Variants in KIF24 observed in about 807,000 individuals in gnomAD.
KIF24 encodes kinesin family member 24.
In KIF24, 81 loss-of-function variants were observed where a neutral mutation model predicts 118.9. That is an observed-to-expected ratio of 0.68 (90% confidence interval 0.57 to 0.82). The LOEUF is 0.82. Among genes scored for constraint, KIF24 ranks in the 40% least tolerant of loss-of-function variants. The pLI is 0.00. For synonymous variants in KIF24, 599 were observed against 610.0 expected (o/e 0.98, Z 0.27); for missense variants, 1,560 against 1,661.6 (o/e 0.94, Z 1.06).
At chr9:34,285,820 GCA>G in intron 6 of KIF24, among the ~76,000 whole-genome samples, 1 of 150,404 alleles carries the variant, frequency 6.6e-6, no homozygotes, top group Admixed American at 6.6e-5. Flanking sequence ...AGGTGTGGTG[GCA>G]TGTGCCTGCA....
In KIF24 at chr9:34,256,436, C is replaced by CA. The variant is rs1301214262; in HGVS notation, c.3170dup (p.Glu1058GlyfsTer41). The stretch of plus-strand genomic sequence containing the variant: ...GAGACCCTTCGTTGTCTGGGTTCTC[C>CA]AGGAGGGACATGGTGAGGGGAGACA... On this transcript the variant is annotated frameshift_variant, in exon 11 of 13. Transcript: ENST00000402558. LOFTEE classifies it high-confidence loss of function. 1 of 1,613,852 alleles carries CA rather than the reference C, an allele frequency of 6.2e-7. No homozygotes were observed. Among genetic ancestry groups the CA allele is most frequent in the East Asian group, 2.2e-5 (1 of 44,870 alleles).
upstream of KIF24, among the ~76,000 whole-genome samples, chr9:34,330,711 T>C (rs1369759697): frequency 2.0e-5 from 3 of 151,760 alleles, no homozygotes; most frequent in Admixed American, 6.6e-5. Context: ...CCTGTAATCC[T>C]AGCCCTTTGG....
rs567292575 is a variant in KIF24 at position 34,321,328 on chromosome 9, C to T, written c.-26+7778G>A. Among the ~76,000 whole-genome samples the T allele has an allele frequency of 1.8e-3, 272 of 152,060 alleles. 4 individuals are homozygous for T. The highest frequency in any genetic ancestry group is 6.8e-3 in the Middle Eastern group (2 of 294). ...AGGAGGCAAAAAAAAACCGAGGACT[C>T]AGTCAGTCTCTGCTAAGAACCAGGT... On this transcript the variant is annotated intron_variant, in intron 1 of 12. Coordinates refer to ENST00000402558, the MANE Select transcript of KIF24 (RefSeq NM_194313.4).
intron 1 of KIF24, chr9:34,319,085 C>T (rs1350828515): frequency 6.0e-6 from 8 of 1,330,834 alleles, no homozygotes; most frequent in South Asian, 2.3e-5. Flanking sequence ...CATGGTGACT[C>T]GGTTCTATAC....
chr9:34,288,895 G>GCACAGT (rs1040527356), intron 5 of KIF24, among the ~76,000 whole-genome samples: 1 of 120,036 alleles, frequency 8.3e-6, no homozygotes, highest in Non-Finnish European at 1.7e-5. Flanking sequence ...CACACACACA[G>GCACAGT]CACAGTGGCT....
upstream of KIF24, among the ~76,000 whole-genome samples, chr9:34,330,829 C>T (rs1837901714): frequency 6.6e-6 from 1 of 151,956 alleles, no homozygotes; most frequent in Non-Finnish European, 1.5e-5. Context: ...GGCGTGGTGG[C>T]GGGCGCCTGT....
At chr9:34,259,752 G>C in intron 9 of KIF24, 47 bp from the exon 10 acceptor site, 1 of 1,219,952 alleles carries the variant, frequency 8.2e-7, no homozygotes, top group African/African-American at 1.5e-5. Context: ...AATTAACAAA[G>C]TGCATACTGA....
At chr9:34,319,708 C>T in intron 1 of KIF24, 1 of 697,876 alleles carries the variant, frequency 1.4e-6, no homozygotes, top group Non-Finnish European at 2.6e-6. Context: ...TTCTGAGACA[C>T]ATGGGTGCTA....
At chr9:34,281,200 A>G (rs980849948) in intron 6 of KIF24, among the ~76,000 whole-genome samples, 8 of 151,930 alleles carry the variant, frequency 5.3e-5, no homozygotes, top group Non-Finnish European at 1.2e-4. Context: ...TCATTTTTGT[A>G]TTTTTAGTAG....
intron 7 of KIF24, among the ~76,000 whole-genome samples, chr9:34,269,630 A>G (rs1291264867): frequency 6.6e-6 from 1 of 152,028 alleles, no homozygotes; most frequent in African/African-American, 2.4e-5. Flanking sequence ...CGTGTTAGCC[A>G]GGATGGTCTC....
At chr9:34,307,371 ATAAT>A (rs56855129) in intron 2 of KIF24, among the ~76,000 whole-genome samples, 3,707 of 152,064 alleles carry the variant, frequency 0.024, 116 homozygotes, top group East Asian at 0.16. Flanking sequence ...AGCCTGGAGA[ATAAT>A]TTTTTTACTG....
intron 2 of KIF24, among the ~76,000 whole-genome samples, chr9:34,309,125 T>C (rs1837042857): frequency 6.6e-6 from 1 of 151,876 alleles, no homozygotes; most frequent in Non-Finnish European, 1.5e-5. Context: ...GTCAAATAAA[T>C]GAAATGGTAA....
chr9:34,291,855 C>G (rs1238443655), intron 4 of KIF24, among the ~76,000 whole-genome samples: 1 of 151,864 alleles, frequency 6.6e-6, no homozygotes, highest in African/African-American at 2.4e-5. Context: ...ACTCACTAAG[C>G]CAAATGGAAA....
At chr9:34,289,516 C>G (rs1836173215) in intron 5 of KIF24, among the ~76,000 whole-genome samples, 2 of 152,166 alleles carry the variant, frequency 1.3e-5, no homozygotes, top group African/African-American at 4.8e-5. Context: ...CTCCCCCATT[C>G]CCTCTAACCT....
chr9:34,256,040 T>A lies in KIF24; in HGVS notation c.3567A>T (p.Gly1189=), dbSNP rs1587906118. 6.2e-7 allele frequency: 1 copy of A among 1,613,972 alleles called. No homozygotes were observed. The highest frequency in any genetic ancestry group is 8.5e-7 in the Non-Finnish European group (1 of 1,179,884). ...TGLDGSWGFP[G]KPFTTIHMGV... is the part of the protein sequence containing the mutation. Reference sequence around the variant, plus strand: ...CCATATGTATGGTGGTGAAGGGCTTTCCTGGGAAACCCCAGGAGCCATCCA... The same window carrying A: ...CCATATGTATGGTGGTGAAGGGCTTACCTGGGAAACCCCAGGAGCCATCCA... The change falls in exon 11 of 13, where the codon GGA becomes GGT. Residue 1189 remains glycine (G), a synonymous_variant. Transcript: ENST00000402558.
intron 1 of KIF24, chr9:34,319,739 G>A (rs1285795663): frequency 9.3e-6 from 6 of 646,278 alleles, no homozygotes; most frequent in Admixed American, 8.3e-5. Context: ...GGGGAGGTGA[G>A]GTACCAGCTT....
intron 1 of KIF24, among the ~76,000 whole-genome samples, chr9:34,320,528 G>A (rs1002808247): frequency 6.6e-6 from 1 of 150,746 alleles, no homozygotes; most frequent in Non-Finnish European, 1.5e-5. Context: ...CATGGTGGCG[G>A]GCACCTGTAA....
intron 2 of KIF24, among the ~76,000 whole-genome samples, chr9:34,308,986 C>T (rs569371443): frequency 6.6e-6 from 1 of 152,134 alleles, no homozygotes; most frequent in African/African-American, 2.4e-5. Context: ...GTGGCTGAGG[C>T]AGGAGGATCA....
intron 11 of KIF24, 125 bp from the exon 12 acceptor site, chr9:34,255,290 C>A: frequency 3.1e-6 from 2 of 637,938 alleles, no homozygotes; most frequent in Non-Finnish European, 5.6e-6. Flanking sequence ...AGGTTTTCAC[C>A]AAGGCCAGCT....
Sources: allele counts gnomAD v4.1 joint callset (sites outside exome capture counted in the v4.1 genomes callset), GRCh38; gene constraint gnomAD v4.1.1; transcripts MANE v1.5; gene names NCBI Gene and HGNC (gene_info 2026-07-23, HGNC 2026-07-21).